PCDHA13: variants seen among roughly 807,000 people sequenced by gnomAD.
PCDHA13 encodes the protein protocadherin alpha-13.
Under a neutral mutation model 64.8 loss-of-function variants are expected in PCDHA13, and 54 were observed. The ratio of observed to expected loss-of-function variants is 0.83; its 90% CI spans 0.67 to 1.04. PCDHA13 has a LOEUF of 1.04. Among genes scored for constraint, PCDHA13 ranks in the 50% least tolerant of loss-of-function variants. PCDHA13 has a pLI of 0.00. For synonymous variants in PCDHA13, 587 were observed against 564.4 expected, an observed-to-expected ratio of 1.04 and a Z score of -0.57; for missense variants, 1,248 against 1,254.3, an observed-to-expected ratio of 0.99 and a Z score of 0.08.
intron 1 of PCDHA13, among the ~76,000 whole-genome samples, chr5:140,957,285 G>A (rs1036077483): frequency 2.0e-5 from 3 of 152,144 alleles, no homozygotes; most frequent in Non-Finnish European, 4.4e-5. Context: ...CTTACCTGCA[G>A]TTTCACTCTG....
At position 140,896,169 on chromosome 5, in the gene PCDHA13, GT is replaced by G. The variant is rs1473218621; in HGVS notation, c.2394+11508del. Among the ~76,000 whole-genome samples, 40 of 152,274 alleles carry G rather than the reference GT, an allele frequency of 2.6e-4. 1 individual carries two copies. The East Asian group carries it at 5.2e-3, about 20-fold the overall frequency. ...TGATGGGCATTTAGGATTATTCTCT[GT>G]CTTTGCTATTGTGAATAGTGCCATG... is the stretch of plus-strand genomic sequence containing the variant. On this transcript the variant is annotated intron_variant, in intron 1 of 3. Transcript: ENST00000289272.
chr5:140,966,792 C>A (rs1182470326), intron 1 of PCDHA13: 3 of 1,530,564 alleles, frequency 2.0e-6, no homozygotes, highest in Admixed American at 1.9e-5. Context: ...ACCAGACCTG[C>A]GGCGACAGAG....
At chr5:140,914,778 T>G (rs942539067) in intron 1 of PCDHA13, among the ~76,000 whole-genome samples, 1 of 152,138 alleles carries the variant, frequency 6.6e-6, no homozygotes, top group African/African-American at 2.4e-5. Flanking sequence ...ATGACTTATC[T>G]TATGACCCAT....
In PCDHA13 at chr5:140,929,533, A is replaced by G; in HGVS notation, c.2394+44871A>G. 8.5e-6 allele frequency: 5 copies of G among 588,644 alleles called. No individual in the cohort carries two copies. The East Asian group carries it at 1.3e-4, about 16-fold the overall frequency. The allele number at this position is 588,644 out of a possible 1,614,324, so 36.5% of individuals were successfully genotyped here. The stretch of plus-strand genomic sequence containing the variant: ...AAGGGACTTATAGTTTATTTTTGAG[A>G]AACAAGGGCAAAAATTAAAACCTAT... On this transcript the variant is annotated intron_variant, in intron 1 of 3. Coordinates refer to ENST00000289272, the MANE Select transcript of PCDHA13 (RefSeq NM_018904.3).
At chr5:140,906,753 T>G (rs2072907402) in intron 1 of PCDHA13, among the ~76,000 whole-genome samples, 1 of 152,224 alleles carries the variant, frequency 6.6e-6, no homozygotes, top group Non-Finnish European at 1.5e-5. Context: ...CAGGGCATGG[T>G]AATACTAAGA....
intron 1 of PCDHA13, among the ~76,000 whole-genome samples, chr5:140,897,009 ATAC>A (rs2065839600): frequency 6.6e-6 from 1 of 152,174 alleles, no homozygotes. Flanking sequence ...ATTTTTAAAT[ATAC>A]AACTAAATTA....
At chr5:140,926,840 C>T (rs1427760232) in intron 1 of PCDHA13, 4 of 1,514,378 alleles carry the variant, frequency 2.6e-6, no homozygotes, top group South Asian at 2.7e-5. Flanking sequence ...GAGCATGGTC[C>T]TGGGTCACCG....
chr5:140,882,621 AT>A lies in PCDHA13; in HGVS notation c.354del (p.His118GlnfsTer4), dbSNP rs1447184799. ...VIVDRPLQVF[H>X]VEVKVRDIND... ...GTGGACAGGCCTCTGCAGGTTTTCC[AT>A]GTGGAGGTGAAGGTGAGGGACATTA... On this transcript the variant is annotated frameshift_variant, in exon 1 of 4. Transcript: ENST00000289272. LOFTEE classifies it high-confidence loss of function. 2 of 1,614,094 alleles carry A rather than the reference AT, an allele frequency of 1.2e-6. No individual in the cohort carries two copies. Among genetic ancestry groups the A allele is most frequent in the Non-Finnish European group, 1.7e-6 (2 of 1,180,058 alleles).
In PCDHA13 at chr5:140,884,016, G is replaced by A. The variant is rs143828814; in HGVS notation, c.1748G>A (p.Arg583Gln). 13 of 1,613,090 alleles carry A rather than the reference G, an allele frequency of 8.1e-6. No individual in the cohort carries two copies. In the Admixed American group the frequency reaches 1.2e-4, roughly 14 times the overall value. The change falls in exon 1 of 4, where the codon CGG becomes CAG. Residue 583 changes from arginine (R) to glutamine (Q), a missense_variant. Coordinates refer to ENST00000289272, the MANE Select transcript of PCDHA13 (RefSeq NM_018904.3). ...GGCACAGTGAGCGAGCTGATGCCGC[G>A]GTCGGTGGGTGCAGGCCACGTGGTG... Reference protein sequence around the residue: ...AGGTVSELMPRSVGAGHVVAK... With the variant: ...AGGTVSELMPQSVGAGHVVAK...
chr5:140,938,828 G>A (rs570802606), intron 1 of PCDHA13, among the ~76,000 whole-genome samples: 84 of 152,072 alleles, frequency 5.5e-4, no homozygotes, highest in Admixed American at 1.4e-3. Context: ...ATGAGTTTGC[G>A]TTATAACAAA....
Position 140,883,540 on chromosome 5 carries a change from G to A in PCDHA13, c.1272G>A (p.Val424=), listed in dbSNP as rs782359917. Residue 424 remains valine (V), a synonymous_variant, in exon 1 of 4, where the codon GTG becomes GTA. Coordinates refer to ENST00000289272, the MANE Select transcript of PCDHA13 (RefSeq NM_018904.3). ...AGAGCGTATCAGCCTATGAACTGGT[G>A]GTGACCGCGCGGGACGGGGGCTCGC... ...DRESVSAYEL[V]VTARDGGSPS... is the part of the protein sequence containing the mutation. 1.9e-6 allele frequency: 3 copies of A among 1,614,222 alleles called. No homozygotes were observed. The highest frequency in any genetic ancestry group is 2.5e-6 in the Non-Finnish European group (3 of 1,180,042).
At chr5:140,927,417 G>A (rs74597681) in intron 1 of PCDHA13, 37,118 of 1,614,096 alleles carry the variant, frequency 0.023, 560 homozygotes, top group African/African-American at 0.056. Flanking sequence ...ACATGGGATC[G>A]CGGGTTGACG....
chr5:140,967,404 A>C (rs2096137449), intron 1 of PCDHA13: 1 of 1,612,076 alleles, frequency 6.2e-7, no homozygotes, highest in Non-Finnish European at 8.5e-7. Flanking sequence ...GTGCTGCGTA[A>C]GGGCCTAGAC....
At chr5:140,966,687 G>A in intron 1 of PCDHA13, 1 of 1,340,546 alleles carries the variant, frequency 7.5e-7, no homozygotes, top group East Asian at 2.9e-5. Flanking sequence ...ACGAGCGGAG[G>A]CGGGGCCCGG....
chr5:140,885,335 A>T (rs183720535), intron 1 of PCDHA13, among the ~76,000 whole-genome samples: 2 of 152,246 alleles, frequency 1.3e-5, no homozygotes, highest in East Asian at 3.9e-4. Context: ...CCAAAGTTTG[A>T]AGGGATTTCC....
At chr5:140,910,013 C>T (rs185824848) in intron 1 of PCDHA13, among the ~76,000 whole-genome samples, 4 of 152,256 alleles carry the variant, frequency 2.6e-5, no homozygotes, top group Non-Finnish European at 1.5e-5. Context: ...CAGTGTCATC[C>T]TTGTATCCCT....
intron 1 of PCDHA13, chr5:140,967,751 T>G: frequency 6.2e-7 from 1 of 1,614,138 alleles, no homozygotes; most frequent in African/African-American, 1.3e-5. Context: ...TGAGGAAGCC[T>G]CCTCCTACCA....
intron 3 of PCDHA13, among the ~76,000 whole-genome samples, chr5:141,003,556 A>G (rs1183434751): frequency 6.6e-6 from 1 of 152,034 alleles, no homozygotes; most frequent in Non-Finnish European, 1.5e-5. Flanking sequence ...CAAGTGATCC[A>G]CCTGCCTCAG....
chr5:140,926,723 C>G (rs1224901751), intron 1 of PCDHA13: 1 of 1,034,598 alleles, frequency 9.7e-7, no homozygotes, highest in Non-Finnish European at 1.3e-6. Flanking sequence ...CCGGCAATGC[C>G]GGCGTTCGGG....
Sources: gnomAD v4.1 joint callset for allele counts (sites outside exome capture counted in the v4.1 genomes callset) on GRCh38, gnomAD v4.1.1 for gene constraint, MANE v1.5 for transcripts, NCBI Gene and HGNC (gene_info 2026-07-23, HGNC 2026-07-21) for gene names.